The following RNF180 variants were observed in gnomAD, a reference collection of about 807,000 sequenced individuals.
RNF180 encodes the protein E3 ubiquitin-protein ligase RNF180.
In RNF180, 38 loss-of-function variants were observed where a neutral mutation model predicts 59.2. That is an observed-to-expected ratio of 0.64 (90% CI 0.50 to 0.84). The LOEUF (loss-of-function observed/expected upper bound fraction) is 0.84. RNF180 is among the 40% of genes least tolerant of loss of function. The probability of loss-of-function intolerance (pLI) is 0.00; values close to 1 mark genes in which losing one functional copy is unlikely to be tolerated. For missense variants in RNF180, 705 were observed against 700.9 expected, an observed-to-expected ratio of 1.01 and a Z score of -0.07; for synonymous variants, 262 against 240.3, an observed-to-expected ratio of 1.09 and a Z score of -0.84.
chr5:64,188,493 G>T (rs1163001915), intron 1 of RNF180, among the ~76,000 whole-genome samples: 1 of 151,984 alleles, frequency 6.6e-6, no homozygotes, highest in African/African-American at 2.4e-5. Context: ...CCCTGAGATG[G>T]TTTGAACTGG....
At chr5:64,302,458 G>A (rs1257446026) in intron 5 of RNF180, among the ~76,000 whole-genome samples, 1 of 151,478 alleles carries the variant, frequency 6.6e-6, no homozygotes, top group Non-Finnish European at 1.5e-5. Context: ...CACATCAGAA[G>A]ATATTGAAGT....
At chr5:64,353,913 A>G (rs1441484848) in intron 7 of RNF180, among the ~76,000 whole-genome samples, 2 of 151,808 alleles carry the variant, frequency 1.3e-5, no homozygotes, top group Non-Finnish European at 2.9e-5. Context: ...AAATTAGAAA[A>G]TACACTGATA....
chr5:64,223,862 G>C (rs1034992056), intron 5 of RNF180, among the ~76,000 whole-genome samples: 3 of 152,274 alleles, frequency 2.0e-5, no homozygotes, highest in East Asian at 1.9e-4. Context: ...GAAGTAGAGG[G>C]GGGGAGACAC....
At chr5:64,177,055 A>G (rs984082588) in intron 1 of RNF180, among the ~76,000 whole-genome samples, 1 of 152,126 alleles carries the variant, frequency 6.6e-6, no homozygotes, top group African/African-American at 2.4e-5. Context: ...TTTTGCTCAG[A>G]TCTCTGGTTT....
chr5:64,235,410 A>G (rs1024934893), intron 5 of RNF180, among the ~76,000 whole-genome samples: 1 of 152,160 alleles, frequency 6.6e-6, no homozygotes, highest in Non-Finnish European at 1.5e-5. Flanking sequence ...TTTTTCTACT[A>G]AATACTTAAA....
chr5:64,212,714 T>A (rs1288260734), intron 3 of RNF180, among the ~76,000 whole-genome samples: 2 of 152,156 alleles, frequency 1.3e-5, no homozygotes, highest in East Asian at 3.8e-4. Context: ...CTTTAAAGGA[T>A]CCTTAATGAA....
At chr5:64,361,199 A>C (rs535904924) in intron 7 of RNF180, among the ~76,000 whole-genome samples, 4 of 151,650 alleles carry the variant, frequency 2.6e-5, no homozygotes, top group African/African-American at 4.8e-5. Context: ...ACTATAGACC[A>C]ATCTCCTTTT....
intron 5 of RNF180, among the ~76,000 whole-genome samples, chr5:64,279,476 G>A (rs1741894375): frequency 6.6e-6 from 1 of 152,012 alleles, no homozygotes; most frequent in Admixed American, 6.6e-5. Flanking sequence ...TGAATAGGAG[G>A]GATTTGTACA....
At chr5:64,347,163 A>G (rs1745590330) in intron 7 of RNF180, among the ~76,000 whole-genome samples, 1 of 152,234 alleles carries the variant, frequency 6.6e-6, no homozygotes, top group Non-Finnish European at 1.5e-5. Context: ...GTAATTGTAC[A>G]AACTGGAGTT....
At chr5:64,244,841 A>G (rs1184090999) in intron 5 of RNF180, among the ~76,000 whole-genome samples, 1 of 152,214 alleles carries the variant, frequency 6.6e-6, no homozygotes, top group Non-Finnish European at 1.5e-5. Flanking sequence ...GCCAGAGAGA[A>G]AGGTCGGGTT....
At chr5:64,360,923 C>A (rs1480888051) in intron 7 of RNF180, among the ~76,000 whole-genome samples, 2 of 151,604 alleles carry the variant, frequency 1.3e-5, no homozygotes, top group East Asian at 3.9e-4. Context: ...AAACTCAAAT[C>A]TTTTATAATA....
At chr5:64,324,546 A>G (rs949235686) in intron 5 of RNF180, among the ~76,000 whole-genome samples, 17 of 152,218 alleles carry the variant, frequency 1.1e-4, no homozygotes, top group Non-Finnish European at 2.2e-4. Context: ...GACATTATTC[A>G]AGAACCTGCT....
At chr5:64,247,593 C>T (rs1444545153) in intron 5 of RNF180, among the ~76,000 whole-genome samples, 3 of 152,170 alleles carry the variant, frequency 2.0e-5, no homozygotes, top group African/African-American at 4.8e-5. Context: ...CAAACCACTG[C>T]TCATGGACAT....
At chr5:64,223,864 G>A (rs1741502742) in intron 5 of RNF180, among the ~76,000 whole-genome samples, 1 of 152,128 alleles carries the variant, frequency 6.6e-6, no homozygotes, top group Non-Finnish European at 1.5e-5. Context: ...AGTAGAGGGG[G>A]GGAGACACGT....
intron 5 of RNF180, among the ~76,000 whole-genome samples, chr5:64,322,181 T>C (rs1433962273): frequency 2.0e-5 from 3 of 152,174 alleles, no homozygotes; most frequent in Non-Finnish European, 4.4e-5. Flanking sequence ...GCTAACAAGC[T>C]TCTGCATAGC....
Position 64,336,561 on chromosome 5 carries a change from C to T in RNF180, c.1579+6155C>T, listed in dbSNP as rs182819050. Among the ~76,000 whole-genome samples, 218 of 152,318 alleles carry T rather than the reference C, an allele frequency of 1.4e-3. 1 individual carries two copies. The highest frequency in any genetic ancestry group is 5.0e-3 in the African/African-American group (207 of 41,568). ...TATTGCCAACAGTTCTCCCAAATGA[C>T]TAGCCTAGACACCTATTATCAGTGT... On this transcript the variant is annotated intron_variant, in intron 7 of 7. Coordinates refer to ENST00000389100, the MANE Select transcript of RNF180 (RefSeq NM_001113561.2).
At position 64,214,007 on chromosome 5, in the gene RNF180, A is replaced by G; in HGVS notation, c.681A>G (p.Lys227=). 2.5e-6 allele frequency: 4 copies of G among 1,614,170 alleles called. No individual in the cohort carries two copies. Among genetic ancestry groups the G allele is most frequent in the Non-Finnish European group, 2.5e-6 (3 of 1,180,026 alleles). ...GRCATRAFHR[K]SHSLDLNISE... The stretch of plus-strand genomic sequence containing the variant: ...GCGCTACAAGAGCTTTTCATAGAAA[A>G]TCACATAGTTTGGATCTGAACATCA... The change falls in exon 4 of 8, where the codon AAA becomes AAG. Residue 227 remains lysine (K), a synonymous_variant. Transcript: ENST00000389100.
chr5:64,251,000 A>G (rs1303097755), intron 5 of RNF180, among the ~76,000 whole-genome samples: 1 of 152,200 alleles, frequency 6.6e-6, no homozygotes. Flanking sequence ...CATTAAAAAG[A>G]TCATTCACTA....
intron 5 of RNF180, among the ~76,000 whole-genome samples, chr5:64,260,246 G>A (rs1744251066): frequency 6.6e-6 from 1 of 151,998 alleles, no homozygotes; most frequent in Admixed American, 6.6e-5. Flanking sequence ...AGTTTTTCTA[G>A]GTCTGTGATT....
Sources: gnomAD v4.1 joint callset for allele counts (sites outside exome capture counted in the v4.1 genomes callset) on GRCh38, gnomAD v4.1.1 for gene constraint, MANE v1.5 for transcripts, NCBI Gene and HGNC (gene_info 2026-07-23, HGNC 2026-07-21) for gene names.